The following KHDC1 variants were observed in gnomAD, a reference collection of about 807,000 sequenced individuals.
KHDC1 encodes the protein KH domain containing 1.
A neutral mutation model predicts 24.7 loss-of-function variants in KHDC1; 21 were observed. That is an observed-to-expected ratio of 0.85 (90% CI 0.60 to 1.23). The LOEUF is 1.23. Ranked by LOEUF, KHDC1 falls within the 50% of genes most tolerant of loss-of-function variation. The pLI, the probability that KHDC1 is intolerant of heterozygous loss-of-function variation, is 0.00. For missense variants in KHDC1, 274 were observed against 298.5 expected (o/e 0.92, Z 0.61); for synonymous variants, 98 against 111.7 (o/e 0.88, Z 0.77).
chr6:73,269,305 C>T (rs1767139695), intron 2 of KHDC1: 1 of 152,538 alleles, frequency 6.6e-6, no homozygotes, highest in Non-Finnish European at 1.5e-5. Flanking sequence ...TTGGCCAGCC[C>T]AGAAAGGGGC....
chr6:73,287,919 T>C (rs1278132106), intron 2 of KHDC1, among the ~76,000 whole-genome samples: 1 of 152,190 alleles, frequency 6.6e-6, no homozygotes, highest in Non-Finnish European at 1.5e-5. Context: ...GGCACAACTC[T>C]AATATTGATA....
chr6:73,250,350 A>T (rs1425784708), intron 2 of KHDC1, among the ~76,000 whole-genome samples: 5 of 152,234 alleles, frequency 3.3e-5, no homozygotes, highest in African/African-American at 1.2e-4. Flanking sequence ...AGCAAAACCT[A>T]AAGGAGGCTT....
In KHDC1 at chr6:73,307,437, A is replaced by T. The variant is rs190602014; in HGVS notation, c.163+2115T>A. 3.9e-3 allele frequency among the ~76,000 whole-genome samples: 601 copies of T among 152,250 alleles called. 7 individuals carry two copies. Among genetic ancestry groups the T allele is most frequent in the South Asian group, 0.024 (115 of 4,822 alleles). ...AGACCCTGTCTCACAATAAATAAAT[A>T]AATTAATTAATTAATTAAATAAAAT... On this transcript the variant is annotated intron_variant, in intron 1 of 4. Transcript: ENST00000370384.
At chr6:73,268,509 C>T (rs1767116298) in intron 2 of KHDC1, 1 of 152,320 alleles carries the variant, frequency 6.6e-6, no homozygotes, top group African/African-American at 2.4e-5. Context: ...TCTGGCCCCA[C>T]CCACGTCCTG....
chr6:73,273,677 G>A (rs547310277), intron 2 of KHDC1, among the ~76,000 whole-genome samples: 2 of 151,972 alleles, frequency 1.3e-5, no homozygotes, highest in South Asian at 2.1e-4. Flanking sequence ...TTAGCCGGGC[G>A]TGGTGGCAGG....
intron 2 of KHDC1, among the ~76,000 whole-genome samples, chr6:73,272,856 C>CTTTTCT (rs1767206131): frequency 2.2e-5 from 3 of 135,276 alleles, no homozygotes; most frequent in African/African-American, 9.1e-5. Context: ...CTTTTCTTTT[C>CTTTTCT]TTTTTCTTTT....
At chr6:73,298,966 G>A (rs1048220848) in intron 1 of KHDC1, 1 of 152,190 alleles carries the variant, frequency 6.6e-6, no homozygotes, top group African/African-American at 2.4e-5. Flanking sequence ...GTGGGATGTC[G>A]AAGACAGAGG....
At chr6:73,306,106 A>G (rs1056509936) in intron 1 of KHDC1, among the ~76,000 whole-genome samples, 1 of 152,218 alleles carries the variant, frequency 6.6e-6, no homozygotes, top group Non-Finnish European at 1.5e-5. Context: ...GGATTAAACA[A>G]AATGAGTATT....
At chr6:73,270,941 C>G (rs922024453) in intron 2 of KHDC1, among the ~76,000 whole-genome samples, 2 of 151,898 alleles carry the variant, frequency 1.3e-5, no homozygotes, top group African/African-American at 2.4e-5. Flanking sequence ...CCACCCACAT[C>G]GGCCTCTCAA....
At chr6:73,263,161 G>A (rs990260497) in intron 2 of KHDC1, 3 of 987,106 alleles carry the variant, frequency 3.0e-6, no homozygotes, top group Non-Finnish European at 2.4e-6. Context: ...GTCCCGGCTC[G>A]CGCCGCGGCC....
At position 73,282,216 on chromosome 6, in the gene KHDC1, T is replaced by TA. The variant is rs34726760; in HGVS notation, c.206+9781dup. Among the ~76,000 whole-genome samples the TA allele has an allele frequency of 2.7e-3, 263 of 96,744 alleles. 5 individuals carry two copies. The highest frequency in any genetic ancestry group is 6.5e-3 in the Middle Eastern group (1 of 154). 63.5% of individuals were successfully genotyped at this position (96,744 alleles called of 152,430 possible). On this transcript the variant is annotated intron_variant, in intron 2 of 4. Coordinates refer to ENST00000370384, the Ensembl canonical transcript of KHDC1. ...CCAAGTGACAGAGTGAGACTCTGTCTAAAAAAAAAAAAAAAAAAGATGCCA... is the reference window on the plus strand; with the variant it reads ...CCAAGTGACAGAGTGAGACTCTGTCTAAAAAAAAAAAAAAAAAAAGATGCCA...
At chr6:73,276,000 G>C (rs558222382) in intron 2 of KHDC1, 1 of 152,450 alleles carries the variant, frequency 6.6e-6, no homozygotes, top group African/African-American at 2.4e-5. Flanking sequence ...AGACCATCCT[G>C]GCCAATATGG....
chr6:73,271,228 G>T (rs940355126), intron 2 of KHDC1, among the ~76,000 whole-genome samples: 10 of 151,032 alleles, frequency 6.6e-5, no homozygotes, highest in East Asian at 4.0e-4. Flanking sequence ...TGTTGGGGGG[G>T]ACAGAATCTC....
rs1004437415 is a variant in KHDC1, at chr6:73,292,444, A to G, written c.164-404T>C. On this transcript the variant is annotated intron_variant, in intron 1 of 4. Coordinates refer to ENST00000370384, the Ensembl canonical transcript of KHDC1. ...TTTTCAGAGTGTTGGTTCCAGCAAC[A>G]GACAGAAATGCTGTAAGTTCACTCT... is the stretch of plus-strand genomic sequence containing the variant. The G allele has an allele frequency of 5.2e-6, 4 of 774,254 alleles. No individual in the cohort carries two copies. In the African/African-American group the frequency reaches 6.8e-5, roughly 13 times the overall value. The allele number at this position is 774,254 out of a possible 1,614,324, so 48.0% of individuals were successfully genotyped here.
At chr6:73,293,870 A>G (rs1767708705) in intron 1 of KHDC1, among the ~76,000 whole-genome samples, 1 of 151,852 alleles carries the variant, frequency 6.6e-6, no homozygotes, top group Non-Finnish European at 1.5e-5. Flanking sequence ...GCCGGGCATG[A>G]TGGTGCGCAC....
chr6:73,294,922 G>A (rs1582585781), intron 1 of KHDC1, among the ~76,000 whole-genome samples: 1 of 152,130 alleles, frequency 6.6e-6, no homozygotes. Flanking sequence ...GGGAAGCCAA[G>A]GTGGGCAGAT....
chr6:73,303,781 A>G (rs951582477), intron 1 of KHDC1, among the ~76,000 whole-genome samples: 5 of 152,248 alleles, frequency 3.3e-5, no homozygotes, highest in African/African-American at 1.2e-4. Context: ...GACCAAGGAC[A>G]TAGGACAACT....
At chr6:73,287,254 T>C (rs1767539742) in intron 2 of KHDC1, among the ~76,000 whole-genome samples, 1 of 152,106 alleles carries the variant, frequency 6.6e-6, no homozygotes, top group Non-Finnish European at 1.5e-5. Flanking sequence ...AAAACTGGTC[T>C]CTAATAGCAA....
chr6:73,248,123 G>A (rs1343329201), intron 2 of KHDC1, among the ~76,000 whole-genome samples: 4 of 152,154 alleles, frequency 2.6e-5, no homozygotes, highest in Non-Finnish European at 4.4e-5. Flanking sequence ...TCAGGTCCTG[G>A]TCCTCCCTCC....
Sources: gnomAD v4.1 joint callset for allele counts (sites outside exome capture counted in the v4.1 genomes callset) on GRCh38, gnomAD v4.1.1 for gene constraint, MANE v1.5 for transcripts, NCBI Gene and HGNC (gene_info 2026-07-23, HGNC 2026-07-21) for gene names.